The following TAX1BP1 variants were observed in gnomAD, a reference collection of about 807,000 sequenced individuals.
TAX1BP1 encodes Tax1 binding protein 1.
In TAX1BP1, 62 loss-of-function variants were observed where a neutral mutation model predicts 97.7. That is an observed-to-expected ratio of 0.63 (90% CI 0.52 to 0.78). TAX1BP1 has a LOEUF of 0.78. Among genes scored for constraint, TAX1BP1 ranks in the 30% least tolerant of loss-of-function variants. The pLI is 0.00. For synonymous variants in TAX1BP1, 340 were observed against 304.2 expected, an observed-to-expected ratio of 1.12 and a Z score of -1.23; for missense variants, 867 against 916.1, an observed-to-expected ratio of 0.95 and a Z score of 0.69.
intron 4 of TAX1BP1, among the ~76,000 whole-genome samples, chr7:27,767,297 A>G (rs940262669): frequency 6.6e-6 from 1 of 152,030 alleles, no homozygotes; most frequent in Admixed American, 6.5e-5. Context: ...TTTTCTTTAT[A>G]GTTGGATAGA....
Position 27,816,375 on chromosome 7 carries a change from A to T in TAX1BP1, c.1791A>T (p.Pro597=), listed in dbSNP as rs776787268. 1.9e-6 allele frequency: 3 copies of T among 1,580,870 alleles called. No homozygotes were observed. The East Asian group carries it at 6.9e-5, about 37-fold the overall frequency. The change falls in exon 14 of 17, where the codon CCA becomes CCT. Residue 597 remains proline (P), a synonymous_variant. Coordinates refer to ENST00000396319, the MANE Select transcript of TAX1BP1 (RefSeq NM_006024.7). ...YKELKRSLEN[P]AERKMEGQNS... ...AACTTAAAAGGAGTCTAGAAAATCC[A>T]GCAGAAAGGAAAATGGAAGGTCAGA...
chr7:27,809,731 T>C lies in TAX1BP1; in HGVS notation c.1765-6618T>C, dbSNP rs138853666. Among the ~76,000 whole-genome samples the C allele has an allele frequency of 2.8e-4, 43 of 152,288 alleles. No individual in the cohort carries two copies. The East Asian group carries it at 8.1e-3, about 29-fold the overall frequency. Reference sequence around the variant, plus strand: ...AGTAGGCATATTAGATTAAACTCTCTATTAGGTTGGAACTCTATAAAGTTG... The same window carrying C: ...AGTAGGCATATTAGATTAAACTCTCCATTAGGTTGGAACTCTATAAAGTTG... On this transcript the variant is annotated intron_variant, in intron 13 of 16. Coordinates refer to ENST00000396319, the MANE Select transcript of TAX1BP1 (RefSeq NM_006024.7).
At chr7:27,752,561 G>A (rs1449486232) in intron 2 of TAX1BP1, among the ~76,000 whole-genome samples, 1 of 152,168 alleles carries the variant, frequency 6.6e-6, no homozygotes, top group African/African-American at 2.4e-5. Context: ...TTATTGAAAT[G>A]ATTGACTGAT....
intron 1 of TAX1BP1, among the ~76,000 whole-genome samples, chr7:27,748,061 A>C (rs1700465286): frequency 6.6e-6 from 1 of 152,112 alleles, no homozygotes; most frequent in African/African-American, 2.4e-5. Flanking sequence ...GATGAAGCCC[A>C]AGGGTTCTAC....
At chr7:27,739,410 C>T (rs1787484012), upstream of TAX1BP1, 2 of 152,176 alleles carry the variant, frequency 1.3e-5, no homozygotes, top group Admixed American at 1.3e-4. Flanking sequence ...GAATGGGACA[C>T]ATTTGCTTCT....
chr7:27,790,299 G>A (rs1789656749), intron 8 of TAX1BP1, among the ~76,000 whole-genome samples: 1 of 151,498 alleles, frequency 6.6e-6, no homozygotes, highest in Non-Finnish European at 1.5e-5. Flanking sequence ...TTTTTTGATT[G>A]TTTTTGATTG....
At chr7:27,817,440 T>C (rs1470677494) in intron 15 of TAX1BP1, among the ~76,000 whole-genome samples, 2 of 152,200 alleles carry the variant, frequency 1.3e-5, no homozygotes, top group East Asian at 1.9e-4. Flanking sequence ...ACATCTTTTC[T>C]TTATAGCATT....
intron 2 of TAX1BP1, 91 bp downstream of exon 2, chr7:27,748,777 C>G: frequency 1.0e-6 from 1 of 994,024 alleles, no homozygotes; most frequent in Non-Finnish European, 1.4e-6. Flanking sequence ...TGCCTTAACT[C>G]TGCATTAAGA....
intron 5 of TAX1BP1, chr7:27,772,374 T>C (rs1021622831): frequency 7.9e-5 from 12 of 152,034 alleles, no homozygotes; most frequent in African/African-American, 2.9e-4. Flanking sequence ...ATATAAACTG[T>C]TGAATATCTG....
rs540454409 is a variant in TAX1BP1 at position 27,794,214 on chromosome 7, T to C, written c.1411-109T>C. The C allele has an allele frequency of 9.1e-4, 915 of 1,008,430 alleles. 3 individuals are homozygous for C. Among genetic ancestry groups the C allele is most frequent in the Middle Eastern group, 1.1e-3 (4 of 3,632 alleles). The allele number at this position is 1,008,430 out of a possible 1,614,324, so 62.5% of individuals were successfully genotyped here. A position where few individuals can be genotyped will look rare whatever the true frequency, so the allele number is the denominator to read the frequency against. On this transcript the variant is annotated intron_variant, in intron 10 of 16. Coordinates refer to ENST00000396319, the MANE Select transcript of TAX1BP1 (RefSeq NM_006024.7). ...AAACAAGAGCAGCTTTGTGGACTTC[T>C]TAGGATTTCCTAAAGTAATATGTAA... is the stretch of plus-strand genomic sequence containing the variant.
chr7:27,814,386 T>A (rs1383234198), intron 13 of TAX1BP1, among the ~76,000 whole-genome samples: 2 of 152,164 alleles, frequency 1.3e-5, no homozygotes, highest in Admixed American at 6.5e-5. Flanking sequence ...CATTTTAGAA[T>A]TATTTTGTTA....
At chr7:27,771,024 C>G (rs143233445) in intron 5 of TAX1BP1, among the ~76,000 whole-genome samples, 35 of 147,736 alleles carry the variant, frequency 2.4e-4, no homozygotes, top group African/African-American at 7.7e-4. Context: ...ACCTTTGAAG[C>G]AGGTATACCA....
At chr7:27,743,650 C>T (rs1787702322) in intron 1 of TAX1BP1, among the ~76,000 whole-genome samples, 1 of 152,208 alleles carries the variant, frequency 6.6e-6, no homozygotes, top group Non-Finnish European at 1.5e-5. Flanking sequence ...GTAAAATGAA[C>T]CGACACTTTA....
intron 15 of TAX1BP1, among the ~76,000 whole-genome samples, chr7:27,826,247 T>TC (rs916711725): frequency 6.6e-6 from 1 of 152,186 alleles, no homozygotes; most frequent in African/African-American, 2.4e-5. Context: ...CCCAATTTAA[T>TC]CCCCCATTAG....
intron 1 of TAX1BP1, among the ~76,000 whole-genome samples, chr7:27,740,761 A>G (rs181361887): frequency 1.3e-5 from 2 of 152,170 alleles, no homozygotes; most frequent in Non-Finnish European, 2.9e-5. Context: ...AGAGAAACCC[A>G]GCTGTTTTGG....
At chr7:27,816,785 T>C in intron 14 of TAX1BP1, 105 bp from the exon 15 acceptor site, 1 of 1,390,806 alleles carries the variant, frequency 7.2e-7, no homozygotes, top group Non-Finnish European at 9.8e-7. Context: ...TCTATTTTTT[T>C]CACATGCCAA....
At chr7:27,775,054 A>G (rs897411618) in intron 5 of TAX1BP1, among the ~76,000 whole-genome samples, 6 of 152,162 alleles carry the variant, frequency 3.9e-5, no homozygotes, top group African/African-American at 7.2e-5. Flanking sequence ...CCTGATTACA[A>G]TTTTAATAGA....
At chr7:27,786,070 A>C (rs938592423) in intron 7 of TAX1BP1, among the ~76,000 whole-genome samples, 1 of 152,100 alleles carries the variant, frequency 6.6e-6, no homozygotes, top group East Asian at 1.9e-4. Context: ...GAATATCTTC[A>C]GAGATGTCAT....
At chr7:27,792,614 A>G (rs888891538) in intron 9 of TAX1BP1, among the ~76,000 whole-genome samples, 8 of 152,192 alleles carry the variant, frequency 5.3e-5, no homozygotes, top group Non-Finnish European at 7.3e-5. Flanking sequence ...AGTCCTAAGA[A>G]TGTAAAACTG....
Sources: allele counts gnomAD v4.1 joint callset (sites outside exome capture counted in the v4.1 genomes callset), GRCh38; gene constraint gnomAD v4.1.1; transcripts MANE v1.5; gene names NCBI Gene and HGNC (gene_info 2026-07-23, HGNC 2026-07-21).